Variants in NSUN2 observed in about 807,000 individuals in gnomAD.
The protein encoded by NSUN2 is RNA cytosine C(5)-methyltransferase NSUN2.
NSUN2 carries 63 observed loss-of-function variants against 92.7 expected under a neutral mutation model. That is an observed-to-expected ratio of 0.68 (90% CI 0.56 to 0.84). NSUN2 has a LOEUF of 0.84. NSUN2 is among the 40% of genes least tolerant of loss of function. NSUN2 has a pLI of 0.00. For synonymous variants in NSUN2, 356 were observed against 348.3 expected (o/e 1.02, Z -0.25); for missense variants, 989 against 964.9 (o/e 1.02, Z -0.33).
rs778148039 is a variant in NSUN2 at position 6,605,366 on chromosome 5, C to T, written c.1644G>A (p.Leu548=). 5 of 1,614,180 alleles carry T rather than the reference C, an allele frequency of 3.1e-6. No homozygotes were observed. In the Admixed American group the frequency reaches 8.3e-5, roughly 27 times the overall value. ...ALDPSFPRMN[L]LTRTTEGKKR... ...TCTTCCCTTCTGTAGTCCGAGTTAA[C>T]AAATTCATCCTTGGGAATGAAGGAT... Residue 548 remains leucine (L), a synonymous_variant, in exon 15 of 19, where the codon TTG becomes TTA. Coordinates refer to ENST00000264670, the MANE Select transcript of NSUN2 (RefSeq NM_017755.6).
At chr5:6,607,699 T>TCA (rs1217927547) in intron 12 of NSUN2, among the ~76,000 whole-genome samples, 1 of 152,180 alleles carries the variant, frequency 6.6e-6, no homozygotes, top group African/African-American at 2.4e-5. Context: ...GTGCATCTGC[T>TCA]CTGGGTAAGG....
chr5:6,608,706 C>T (rs542209621), intron 12 of NSUN2, among the ~76,000 whole-genome samples: 4 of 152,324 alleles, frequency 2.6e-5, no homozygotes, highest in South Asian at 4.1e-4. Context: ...ACCTAAAGCA[C>T]GCGTCTCTAA....
chr5:6,630,366 C>T (rs953195893), intron 3 of NSUN2, among the ~76,000 whole-genome samples: 1 of 152,160 alleles, frequency 6.6e-6, no homozygotes. Context: ...AGTGCAGTGG[C>T]ATGATCTTGG....
Position 6,631,936 on chromosome 5 carries a change from A to C in NSUN2, c.296T>G (p.Phe99Cys), listed in dbSNP as rs1340418092. 16 of 1,614,096 alleles carry C rather than the reference A, an allele frequency of 9.9e-6. No individual in the cohort carries two copies. Among genetic ancestry groups the C allele is most frequent in the Non-Finnish European group, 1.2e-5 (14 of 1,179,988 alleles). ...EILHCLKNKYFKELEDLEVDG... is the reference protein window; with the variant it reads ...EILHCLKNKYCKELEDLEVDG... The stretch of plus-strand genomic sequence containing the variant: ...CACCTCCAGGTCCTCCAATTCCTTA[A>C]AATATTTGTTCTTTAAGCAATGGAG... Residue 99 changes from phenylalanine (F) to cysteine (C), a missense_variant, in exon 3 of 19, where the codon TTT becomes TGT. Phe to Cys is a radical substitution (Grantham distance 205). This residue lies in a region of NSUN2 where 356 missense variants were observed against 338.6 expected (regional missense o/e 1.05). Coordinates refer to ENST00000264670, the MANE Select transcript of NSUN2 (RefSeq NM_017755.6).
At chr5:6,614,272 A>G (rs551200586) in intron 9 of NSUN2, among the ~76,000 whole-genome samples, 1 of 152,246 alleles carries the variant, frequency 6.6e-6, no homozygotes, top group East Asian at 1.9e-4. Context: ...TGAAAATCAG[A>G]AAGACCAATG....
rs1003767190 is a variant in NSUN2, at chr5:6,614,821, C to T, written c.1021+1906G>A. 5.3e-5 allele frequency among the ~76,000 whole-genome samples: 8 copies of T among 152,148 alleles called. No individual in the cohort carries two copies. In the South Asian group the frequency reaches 1.7e-3, roughly 32 times the overall value. On this transcript the variant is annotated intron_variant, in intron 9 of 18. Transcript: ENST00000264670. ...ATCTCCAATGTGAGGAAAGAAAGCC[C>T]GGTGGACTCAGGCCAGCAAGTCCTG...
At chr5:6,606,422 T>G (rs1431470017) in intron 14 of NSUN2, among the ~76,000 whole-genome samples, 1 of 152,186 alleles carries the variant, frequency 6.6e-6, no homozygotes, top group Non-Finnish European at 1.5e-5. Context: ...TAGCTGGGAC[T>G]ACAGGTGCCC....
chr5:6,622,969 C>G (rs1207335282), intron 5 of NSUN2, among the ~76,000 whole-genome samples: 1 of 149,862 alleles, frequency 6.7e-6, no homozygotes, highest in African/African-American at 2.5e-5. Context: ...TGAAGACAAT[C>G]CATATGGTAA....
chr5:6,601,503 C>A (rs1396696621), intron 18 of NSUN2, among the ~76,000 whole-genome samples: 1 of 152,098 alleles, frequency 6.6e-6, no homozygotes, highest in Non-Finnish European at 1.5e-5. Flanking sequence ...CTGCCCCTCC[C>A]ACCTCAGCCC....
At chr5:6,631,772 C>A (rs1737908275) in intron 3 of NSUN2, 101 bp downstream of exon 3, 9 of 856,384 alleles carry the variant, frequency 1.1e-5, no homozygotes, top group Non-Finnish European at 1.5e-5. Context: ...CAAAGTATAC[C>A]CAAGCTCTTT....
At chr5:6,603,946 C>T (rs969355680) in intron 17 of NSUN2, 192 bp downstream of exon 17, 9 of 550,504 alleles carry the variant, frequency 1.6e-5, no homozygotes, top group African/African-American at 3.8e-5. Context: ...GTACACCAAC[C>T]CCAAGATGCC....
At chr5:6,615,124 G>A (rs552730605) in intron 9 of NSUN2, among the ~76,000 whole-genome samples, 5 of 152,054 alleles carry the variant, frequency 3.3e-5, no homozygotes, top group Non-Finnish European at 5.9e-5. Context: ...AGAAACCGGG[G>A]GAAGCTGTCT....
intron 4 of NSUN2, 131 bp downstream of exon 4, chr5:6,625,433 A>C (rs1365627856): frequency 1.6e-6 from 1 of 637,670 alleles, no homozygotes; most frequent in East Asian, 2.7e-5. Flanking sequence ...TGGTGCACAC[A>C]CTGCAGTTGT....
chr5:6,632,855 T>TGGCC, intron 1 of NSUN2, 29 bp downstream of exon 1: 1 of 1,540,270 alleles, frequency 6.5e-7, no homozygotes, highest in Non-Finnish European at 8.7e-7. Context: ...GAGGAGCCCC[T>TGGCC]GGCCCGCCCG....
At chr5:6,604,765 C>T (rs1359729228) in intron 15 of NSUN2, 80 bp from the exon 16 acceptor site, 2 of 1,186,676 alleles carry the variant, frequency 1.7e-6, no homozygotes, top group East Asian at 2.4e-5. Context: ...CCACATGGAG[C>T]AACCGTCACG....
Position 6,611,448 on chromosome 5 carries a change from T to TAAAAAAAA in NSUN2, c.1095+269_1095+276dup, listed in dbSNP as rs760872450. ...ACAAGGCTTGAATCCCGGCCCAATT[T>TAAAAAAAA]AAAAAAAAAAAAAAAAAGCAAAGCT... is the stretch of plus-strand genomic sequence containing the variant. On this transcript the variant is annotated intron_variant, in intron 10 of 18. Coordinates refer to ENST00000264670, the MANE Select transcript of NSUN2 (RefSeq NM_017755.6). 3.6e-4 allele frequency among the ~76,000 whole-genome samples: 31 copies of TAAAAAAAA among 86,064 alleles called. 2 individuals carry two copies. Among genetic ancestry groups the TAAAAAAAA allele is most frequent in the East Asian group, 1.4e-3 (4 of 2,952 alleles). The allele number at this position is 86,064 out of a possible 152,430, so 56.5% of individuals were successfully genotyped here. A position where few individuals can be genotyped will look rare whatever the true frequency, so the allele number is the denominator to read the frequency against.
rs140484585 is a variant in NSUN2, at chr5:6,625,018, T to C, written c.465+546A>G. ...TGGCTACGGAGAATGTGAAGACAGA[T>C]GCCGTCCTGTGAGGACCAAAGCTGT... On this transcript the variant is annotated intron_variant, in intron 4 of 18. Transcript: ENST00000264670. Among the ~76,000 whole-genome samples the C allele has an allele frequency of 6.6e-5, 10 of 152,006 alleles. No homozygotes were observed. In the East Asian group the frequency reaches 1.4e-3, roughly 21 times the overall value.
chr5:6,620,306 C>T lies in NSUN2; in HGVS notation c.623-8G>A. 1 of 1,564,624 alleles carries T rather than the reference C, an allele frequency of 6.4e-7. No individual in the cohort carries two copies. ...TCGCAATAACAAATCCCTCTGAAGG[C>T]ACAGAATTGCAGTGTCAGGTGAAAT... On this transcript the variant is annotated splice_polypyrimidine_tract_variant and splice_region_variant and intron_variant, in intron 6 of 18. Coordinates refer to ENST00000264670, the MANE Select transcript of NSUN2 (RefSeq NM_017755.6).
rs745344636 is a variant in NSUN2 at position 6,602,463 on chromosome 5, A to C, written c.1995T>G (p.Ser665=). The change falls in exon 18 of 19, where the codon TCT becomes TCG. Residue 665 remains serine, a splice_region_variant and synonymous_variant. Coordinates refer to ENST00000264670, the MANE Select transcript of NSUN2 (RefSeq NM_017755.6). The part of the protein sequence containing the change: ...GSIVLKYEPD[S]ANPDALQCPI... ...GGGCAGGGCGTGTACTGACTTACGCAGAATCTGGTTCATACTTCAGCACGA... is the reference window on the plus strand; with the variant it reads ...GGGCAGGGCGTGTACTGACTTACGCCGAATCTGGTTCATACTTCAGCACGA... The C allele has an allele frequency of 1.2e-6, 2 of 1,613,988 alleles. No individual in the cohort carries two copies. Among genetic ancestry groups the C allele is most frequent in the African/African-American group, 2.7e-5 (2 of 74,878 alleles).
Sources: gnomAD v4.1 joint callset for allele counts (sites outside exome capture counted in the v4.1 genomes callset) on GRCh38, gnomAD v4.1.1 for gene constraint, gnomAD v4.1.1 regional missense constraint, MANE v1.5 for transcripts, NCBI Gene and HGNC (gene_info 2026-07-23, HGNC 2026-07-21) for gene names.